MIA2: variants seen among roughly 807,000 people sequenced by gnomAD.
MIA2 encodes melanoma inhibitory activity protein 2.
Under a neutral mutation model 167.8 loss-of-function variants are expected in MIA2, and 127 were observed. The observed-to-expected ratio is 0.76, with a 90% CI of 0.66 to 0.88. The LOEUF (loss-of-function observed/expected upper bound fraction) is 0.88. Among genes scored for constraint, MIA2 ranks in the 40% least tolerant of loss-of-function variants. MIA2 has a pLI of 0.00. For missense variants in MIA2, 1,690 were observed against 1,624.7 expected (o/e 1.04, Z -0.69); for synonymous variants, 552 against 541.9 (o/e 1.02, Z -0.26).
chr14:39,285,998 C>T lies in MIA2; in HGVS notation c.2131-5021C>T, dbSNP rs375705670. 5.2e-4 allele frequency among the ~76,000 whole-genome samples: 79 copies of T among 151,208 alleles called. No individual in the cohort carries two copies. The East Asian group carries it at 0.012, about 22-fold the overall frequency. ...GCAGAGGGGCTCCTCACATCCTAGA[C>T]GATGGGCGGCCAGGCAGAGACGCTC... On this transcript the variant is annotated intron_variant, in intron 9 of 28. Coordinates refer to ENST00000640607, the MANE Select transcript of MIA2 (RefSeq NM_001329214.4).
In MIA2 at chr14:39,288,475, A is replaced by ATTTTTTTTTTTTT. The variant is rs1247369150; in HGVS notation, c.2131-2539_2131-2527dup. 7.9e-5 allele frequency among the ~76,000 whole-genome samples: 4 copies of ATTTTTTTTTTTTT among 50,516 alleles called. No individual in the cohort carries two copies. The Admixed American group carries it at 1.2e-3, about 15-fold the overall frequency. The allele number at this position is 50,516 out of a possible 152,430, so 33.1% of individuals were successfully genotyped here. On this transcript the variant is annotated intron_variant, in intron 9 of 28. Transcript: ENST00000640607. ...TATATATATATATATATATATATAT[A>ATTTTTTTTTTTTT]TTTTTTTTTTTTTTTTTGAGACGGA...
chr14:39,288,440 T>C (rs1187360833), intron 9 of MIA2, among the ~76,000 whole-genome samples: 17 of 9,870 alleles, frequency 1.7e-3, no homozygotes, highest in African/African-American at 4.2e-3. Context: ...TACATATATA[T>C]ATATATATAT....
intron 3 of MIA2, among the ~76,000 whole-genome samples, chr14:39,244,271 C>G (rs948816215): frequency 1.3e-5 from 2 of 152,146 alleles, no homozygotes; most frequent in African/African-American, 4.8e-5. Context: ...GGGGATTCTA[C>G]TTTCTATGAC....
intron 23 of MIA2, among the ~76,000 whole-genome samples, chr14:39,381,281 G>T (rs2075155925): frequency 6.6e-6 from 1 of 152,128 alleles, no homozygotes; most frequent in Non-Finnish European, 1.5e-5. Flanking sequence ...CTACTGAGAA[G>T]AAATAAAACC....
At chr14:39,255,880 A>G (rs1035630605) in intron 6 of MIA2, among the ~76,000 whole-genome samples, 4 of 152,224 alleles carry the variant, frequency 2.6e-5, no homozygotes, top group Admixed American at 2.0e-4. Context: ...ATTGAATTTA[A>G]ATTTATGTTA....
intron 6 of MIA2, 67 bp from the exon 7 acceptor site, chr14:39,276,867 C>T (rs1297791473): frequency 6.4e-7 from 1 of 1,557,166 alleles, no homozygotes; most frequent in Non-Finnish European, 8.8e-7. Flanking sequence ...AAACTTGTAC[C>T]TATGTTTGTA....
chr14:39,261,990 T>C lies in MIA2; in HGVS notation c.1887+8819T>C, dbSNP rs936621798. On this transcript the variant is annotated intron_variant, in intron 6 of 28. Coordinates refer to ENST00000640607, the MANE Select transcript of MIA2 (RefSeq NM_001329214.4). Reference sequence around the variant, plus strand: ...CTTTTGCTGTGCAGAAGCTCTTTAGTTTAATTAGATCCCATTTGTTAATTT... The same window carrying C: ...CTTTTGCTGTGCAGAAGCTCTTTAGCTTAATTAGATCCCATTTGTTAATTT... Among the ~76,000 whole-genome samples the C allele has an allele frequency of 3.2e-4, 48 of 152,194 alleles. 1 individual carries two copies. The highest frequency in any genetic ancestry group is 1.3e-4 in the Admixed American group (2 of 15,280).
intron 7 of MIA2, among the ~76,000 whole-genome samples, chr14:39,277,752 A>ATATATATATATATATATGTGTGTG (rs2058345162): frequency 5.7e-5 from 1 of 17,414 alleles, no homozygotes; most frequent in African/African-American, 3.0e-4. Flanking sequence ...ATGTGTGTAT[A>ATATATATATATATATATGTGTGTG]TATATATATA....
chr14:39,297,879 C>G (rs941518119), intron 13 of MIA2, among the ~76,000 whole-genome samples: 8 of 152,014 alleles, frequency 5.3e-5, no homozygotes, highest in Non-Finnish European at 1.5e-5. Flanking sequence ...ATGAGGCTTT[C>G]TAGGGTATAT....
Position 39,276,995 on chromosome 14 carries a change from A to G in MIA2, c.1949A>G (p.Glu650Gly), listed in dbSNP as rs1415214907. 1 of 1,613,928 alleles carries G rather than the reference A, an allele frequency of 6.2e-7. No individual in the cohort carries two copies. The highest frequency in any genetic ancestry group is 2.2e-5 in the East Asian group (1 of 44,866). The change falls in exon 7 of 29, where the codon GAA becomes GGA. Residue 650 changes from glutamate (E) to glycine (G), a missense_variant. Physicochemically the swap from Glu to Gly is moderately conservative, Grantham distance 98. Transcript: ENST00000640607. ...TCTAATCTTTATGGTTTTCCATGGGAATTGGTGATATGTGCAGCTGTTGTT... is the reference window on the plus strand; with the variant it reads ...TCTAATCTTTATGGTTTTCCATGGGGATTGGTGATATGTGCAGCTGTTGTT... ...PDSNLYGFPW[E>G]LVICAAVVGF...
intron 6 of MIA2, among the ~76,000 whole-genome samples, chr14:39,262,235 G>A (rs988464968): frequency 6.6e-6 from 1 of 152,136 alleles, no homozygotes; most frequent in South Asian, 2.1e-4. Flanking sequence ...TTCTACATAT[G>A]GCTAGCAGTT....
Position 39,347,895 on chromosome 14 carries a change from C to T in MIA2, c.3837+124C>T, listed in dbSNP as rs2073725918. 4.6e-6 allele frequency: 4 copies of T among 862,914 alleles called. No homozygotes were observed. The South Asian group carries it at 5.5e-5, about 12-fold the overall frequency. 53.5% of individuals were successfully genotyped at this position (862,914 alleles called of 1,614,324 possible). A position where few individuals can be genotyped will look rare whatever the true frequency, so the allele number is the denominator to read the frequency against. On this transcript the variant is annotated intron_variant, in intron 27 of 28. Coordinates refer to ENST00000640607, the MANE Select transcript of MIA2 (RefSeq NM_001329214.4). Reference sequence around the variant, plus strand: ...GGAGTGCAGTGGCGCTATCTCGGCTCACTGCAACCTGGGTTCAAGCAATTC... The same window carrying T: ...GGAGTGCAGTGGCGCTATCTCGGCTTACTGCAACCTGGGTTCAAGCAATTC...
intron 25 of MIA2, among the ~76,000 whole-genome samples, chr14:39,337,712 G>A (rs1400007902): frequency 6.6e-6 from 1 of 151,954 alleles, no homozygotes; most frequent in Non-Finnish European, 1.5e-5. Context: ...GTTATTCCAT[G>A]TATATAACAT....
intron 23 of MIA2, chr14:39,385,972 C>T (rs1162809857): frequency 1.2e-6 from 1 of 831,378 alleles, no homozygotes. Flanking sequence ...AGCCTGTCCG[C>T]CACCATTTGA....
chr14:39,363,020 G>A (rs2074724144), intron 23 of MIA2, among the ~76,000 whole-genome samples: 4 of 151,996 alleles, frequency 2.6e-5, no homozygotes, highest in Admixed American at 2.6e-4. Flanking sequence ...CCATGTATTT[G>A]TATAGTTTCC....
intron 9 of MIA2, 27 bp from the exon 10 acceptor site, chr14:39,290,992 T>A: frequency 2.5e-6 from 4 of 1,583,666 alleles, no homozygotes; most frequent in Non-Finnish European, 3.4e-6. Flanking sequence ...TGGTAGAGTT[T>A]TTACTTGTGA....
chr14:39,269,022 G>A (rs994325408), intron 6 of MIA2: 10 of 973,880 alleles, frequency 1.0e-5, no homozygotes, highest in Non-Finnish European at 1.1e-5. Flanking sequence ...GAGAAATGCA[G>A]CCAGATTTTG....
chr14:39,382,715 A>G (rs2075191500), intron 23 of MIA2, among the ~76,000 whole-genome samples: 1 of 152,206 alleles, frequency 6.6e-6, no homozygotes, highest in African/African-American at 2.4e-5. Flanking sequence ...ACAAAAGGAA[A>G]AGCAGTTGCT....
At chr14:39,386,898 G>C (rs1468583460) in exon 24 of MIA2, 1 of 795,430 alleles carries the variant, frequency 1.3e-6, no homozygotes, top group South Asian at 1.4e-5. Flanking sequence ...CACGCTCTCC[G>C]CCCGGGGCAG....
Sources: allele counts gnomAD v4.1 joint callset (sites outside exome capture counted in the v4.1 genomes callset), GRCh38; gene constraint gnomAD v4.1.1; transcripts MANE v1.5; gene names NCBI Gene and HGNC (gene_info 2026-07-23, HGNC 2026-07-21).